Variants in WWOX observed in about 807,000 individuals in gnomAD.
WWOX encodes WW domain containing oxidoreductase, also known as WW domain-containing oxidoreductase.
Under a neutral mutation model 46.2 loss-of-function variants are expected in WWOX, and 69 were observed. The observed-to-expected ratio is 1.49, with a 90% CI of 1.23 to 1.82. The LOEUF (loss-of-function observed/expected upper bound fraction) is 1.82. Among genes scored for constraint, WWOX ranks in the 40% most tolerant of loss-of-function variants. WWOX has a pLI of 0.00. For synonymous variants in WWOX, 359 were observed against 202.6 expected (o/e 1.77, Z -6.56); for missense variants, 919 against 542.6 (o/e 1.69, Z -6.89).
chr16:79,129,471 T>C (rs1173351547), intron 8 of WWOX, among the ~76,000 whole-genome samples: 2 of 150,492 alleles, frequency 1.3e-5, no homozygotes, highest in Admixed American at 1.3e-4. Context: ...AATAAAGGAG[T>C]ACATGATTGT....
intron 8 of WWOX, among the ~76,000 whole-genome samples, chr16:78,837,703 G>C (rs1328166150): frequency 6.6e-6 from 1 of 152,144 alleles, no homozygotes; most frequent in African/African-American, 2.4e-5. Context: ...TGAGTGATTA[G>C]AAATCCAAGT....
chr16:79,073,590 T>C (rs56140341), intron 8 of WWOX, among the ~76,000 whole-genome samples: 6,838 of 152,294 alleles, frequency 0.045, 527 homozygotes, highest in African/African-American at 0.16. Flanking sequence ...TTGCAGACAC[T>C]GCTGAGTGTC....
chr16:78,424,699 C>G (rs1005973869), intron 6 of WWOX, among the ~76,000 whole-genome samples, 171 bp from the exon 7 acceptor site: 6 of 152,128 alleles, frequency 3.9e-5, no homozygotes, highest in Non-Finnish European at 8.8e-5. Flanking sequence ...TATCCTATTT[C>G]TACATGGTGG....
At chr16:78,466,632 T>G (rs2084084644) in intron 8 of WWOX, among the ~76,000 whole-genome samples, 1 of 152,030 alleles carries the variant, frequency 6.6e-6, no homozygotes, top group African/African-American at 2.4e-5. Context: ...GAGTTCGAGA[T>G]CAGCCTGGCC....
chr16:78,922,319 G>C (rs2045397476), intron 8 of WWOX, among the ~76,000 whole-genome samples: 1 of 151,982 alleles, frequency 6.6e-6, no homozygotes, highest in Non-Finnish European at 1.5e-5. Context: ...AGTATGATCA[G>C]AGGTGCCCAA....
chr16:78,709,884 C>G (rs566944240), intron 8 of WWOX, among the ~76,000 whole-genome samples: 1 of 151,894 alleles, frequency 6.6e-6, no homozygotes, highest in Non-Finnish European at 1.5e-5. Context: ...ACCCGCCACC[C>G]GACGCCCAGC....
intron 8 of WWOX, among the ~76,000 whole-genome samples, chr16:78,533,621 C>G (rs76819794): frequency 0.075 from 11,420 of 152,162 alleles, 548 homozygotes; most frequent in East Asian, 0.12. Context: ...AAATCCTGGG[C>G]TGGCCTGAGA....
At chr16:78,977,986 C>G (rs1263975392) in intron 8 of WWOX, among the ~76,000 whole-genome samples, 6 of 132,072 alleles carry the variant, frequency 4.5e-5, no homozygotes, top group Admixed American at 1.6e-4. Context: ...CATCTATTTC[C>G]AAAATATTTG....
At chr16:78,771,334 G>C (rs1408311200) in intron 8 of WWOX, among the ~76,000 whole-genome samples, 1 of 152,170 alleles carries the variant, frequency 6.6e-6, no homozygotes, top group African/African-American at 2.4e-5. Flanking sequence ...CTTCTGTTGA[G>C]GTTGAAGAAC....
At chr16:78,620,764 T>G (rs1210665784) in intron 8 of WWOX, among the ~76,000 whole-genome samples, 2 of 152,160 alleles carry the variant, frequency 1.3e-5, no homozygotes, top group Non-Finnish European at 2.9e-5. Flanking sequence ...TTTAGTGAGC[T>G]CTGCTGGCAA....
At chr16:79,188,750 A>C (rs1022738720) in intron 8 of WWOX, among the ~76,000 whole-genome samples, 3 of 152,110 alleles carry the variant, frequency 2.0e-5, no homozygotes, top group African/African-American at 7.2e-5. Flanking sequence ...TTTATTTCCA[A>C]GTTCTCCTCG....
At chr16:78,602,095 G>T (rs75781347) in intron 8 of WWOX, among the ~76,000 whole-genome samples, 2 of 152,196 alleles carry the variant, frequency 1.3e-5, no homozygotes, top group South Asian at 4.1e-4. Flanking sequence ...AAATGATTCT[G>T]TTGGGCTTAT....
At chr16:78,901,417 C>T (rs1477472407) in intron 8 of WWOX, among the ~76,000 whole-genome samples, 1 of 152,122 alleles carries the variant, frequency 6.6e-6, no homozygotes, top group African/African-American at 2.4e-5. Context: ...GTTCTTTTCC[C>T]TCTCCCCACA....
intron 8 of WWOX, among the ~76,000 whole-genome samples, chr16:79,051,253 A>G (rs1179561599): frequency 6.6e-6 from 1 of 152,210 alleles, no homozygotes; most frequent in African/African-American, 2.4e-5. Context: ...TTTCTTGGGA[A>G]GTGGACTCAC....
intron 8 of WWOX, among the ~76,000 whole-genome samples, chr16:79,073,215 C>A (rs933580700): frequency 2.7e-5 from 4 of 150,576 alleles, no homozygotes; most frequent in Non-Finnish European, 5.9e-5. Context: ...TTTACTCTCT[C>A]TTTGCCCAGG....
At chr16:78,561,624 T>TG (rs2044438722) in intron 8 of WWOX, among the ~76,000 whole-genome samples, 1 of 152,068 alleles carries the variant, frequency 6.6e-6, no homozygotes, top group South Asian at 2.1e-4. Flanking sequence ...ACCTGATATT[T>TG]GGAGAGACTT....
At chr16:78,908,182 A>T (rs147801166) in intron 8 of WWOX, among the ~76,000 whole-genome samples, 1 of 152,144 alleles carries the variant, frequency 6.6e-6, no homozygotes, top group Non-Finnish European at 1.5e-5. Flanking sequence ...TAATTGCCCA[A>T]CGGGTTCTCC....
chr16:79,019,713 G>A (rs16949240), intron 8 of WWOX, among the ~76,000 whole-genome samples: 28,402 of 151,868 alleles, frequency 0.19, 2,740 homozygotes, highest in East Asian at 0.29. Flanking sequence ...CAGGCACACT[G>A]AGGGGCAGAC....
chr16:78,194,605 A>AAG (rs2035990635), intron 5 of WWOX, among the ~76,000 whole-genome samples: 1 of 149,990 alleles, frequency 6.7e-6, no homozygotes, highest in Non-Finnish European at 1.5e-5. Flanking sequence ...AAAAAAAAAA[A>AAG]GATTTATGTC....
Sources: allele counts gnomAD v4.1 joint callset (sites outside exome capture counted in the v4.1 genomes callset), GRCh38; gene constraint gnomAD v4.1.1; transcripts MANE v1.5; gene names NCBI Gene and HGNC (gene_info 2026-07-23, HGNC 2026-07-21).